Variants in MUC4 observed in about 807,000 individuals in gnomAD.
The protein encoded by MUC4 is mucin-4.
Under a neutral mutation model 257.9 loss-of-function variants are expected in MUC4, and 202 were observed. That is an observed-to-expected ratio of 0.78 (90% CI 0.70 to 0.88). The LOEUF is 0.88. Among genes scored for constraint, MUC4 ranks in the 40% least tolerant of loss-of-function variants. The pLI, the probability that MUC4 is intolerant of heterozygous loss-of-function variation, is 0.00. For synonymous variants in MUC4, 2,351 were observed against 2,757.1 expected, an observed-to-expected ratio of 0.85 and a Z score of 4.62; for missense variants, 5,976 against 6,513.7, an observed-to-expected ratio of 0.92 and a Z score of 2.84.
In MUC4 at chr3:195,791,325, G is replaced by T. The variant is rs778296021; in HGVS notation, c.255C>A (p.Thr85=). 6.2e-7 allele frequency: 1 copy of T among 1,613,856 alleles called. No homozygotes were observed. Among genetic ancestry groups the T allele is most frequent in the African/African-American group, 1.3e-5 (1 of 74,904 alleles). Residue 85 remains threonine, a synonymous_variant, in exon 2 of 25, where the codon ACC becomes ACA. Coordinates refer to ENST00000463781, the MANE Select transcript of MUC4 (RefSeq NM_018406.7). ...QNHQTKSTET[T]SKAQTDTLTQ... is the part of the protein sequence containing the mutation. ...TGAGGGTGTCGGTTTGAGCTTTGCT[G>T]GTGGTCTCCGTGCTCTTAGTCTGGT...
At chr3:195,754,976 A>C (rs1452101328) in intron 18 of MUC4, among the ~76,000 whole-genome samples, 1 of 152,040 alleles carries the variant, frequency 6.6e-6, no homozygotes, top group Admixed American at 6.6e-5. Flanking sequence ...GTATGTATCC[A>C]TGTGTGTATG....
At chr3:195,753,356 C>T (rs906895731) in intron 19 of MUC4, 126 bp from the exon 20 acceptor site, 5 of 886,720 alleles carry the variant, frequency 5.6e-6, no homozygotes, top group Non-Finnish European at 8.7e-6. Flanking sequence ...ACTCGGAACC[C>T]CAAACCATCC....
intron 1 of MUC4, among the ~76,000 whole-genome samples, chr3:195,798,432 G>A (rs1475189717): frequency 1.3e-5 from 2 of 152,174 alleles, no homozygotes; most frequent in Non-Finnish European, 2.9e-5. Flanking sequence ...GGCCAGGCGT[G>A]GTGGCTCACA....
intron 9 of MUC4, 70 bp downstream of exon 9, chr3:195,765,200 G>T: frequency 6.3e-7 from 1 of 1,586,312 alleles, no homozygotes; most frequent in South Asian, 1.1e-5. Flanking sequence ...GGCTGTTTCT[G>T]GGGAGAGGCT....
At chr3:195,756,637 T>C (rs1224154824) in intron 18 of MUC4, among the ~76,000 whole-genome samples, 4 of 128,272 alleles carry the variant, frequency 3.1e-5, no homozygotes, top group Admixed American at 8.2e-5. Context: ...TTTCCCTCCT[T>C]CTTTCTTTCT....
chr3:195,789,063 G>A lies in MUC4; in HGVS notation c.2517C>T (p.His839=), dbSNP rs765082239. The change falls in exon 2 of 25, where the codon CAC becomes CAT. Residue 839 remains histidine (H), a synonymous_variant. Transcript: ENST00000463781. ...GCAATTCGGTTGTTGACTGGGTTGTGTGACTGTCCCTGGAGGGGTTTGATG... is the reference window on the plus strand; with the variant it reads ...GCAATTCGGTTGTTGACTGGGTTGTATGACTGTCCCTGGAGGGGTTTGATG... ...RFSSNPSRDS[H]TTQSTTELLS... 1.1e-5 allele frequency: 18 copies of A among 1,613,760 alleles called. No homozygotes were observed. The South Asian group carries it at 1.5e-4, about 14-fold the overall frequency.
Position 195,785,557 on chromosome 3 carries a change from G to A in MUC4, c.6023C>T (p.Ser2008Leu). ...AGGGGTGGCCTGTCCTGTAGATACTGAGGAAGTGTCGGTGACCGGAAGAGG... is the reference window on the plus strand; with the variant it reads ...AGGGGTGGCCTGTCCTGTAGATACTAAGGAAGTGTCGGTGACCGGAAGAGG... ...ATPLPVTDTSSVSTGQATPLP... is the reference protein window; with the variant it reads ...ATPLPVTDTSLVSTGQATPLP... Residue 2008 changes from serine to leucine, a missense_variant, in exon 2 of 25, where the codon TCA (serine) becomes TTA (leucine). Transcript: ENST00000463781. The A allele has an allele frequency of 2.6e-6, 4 of 1,523,070 alleles. No individual in the cohort carries two copies. Among genetic ancestry groups the A allele is most frequent in the Non-Finnish European group, 3.5e-6 (4 of 1,133,296 alleles). 94.3% of individuals were successfully genotyped at this position (1,523,070 alleles called of 1,614,324 possible). A position where few individuals can be genotyped will look rare whatever the true frequency, so the allele number is the denominator to read the frequency against.
intron 19 of MUC4, 84 bp from the exon 20 acceptor site, chr3:195,753,314 G>T: frequency 1.4e-6 from 2 of 1,396,342 alleles, no homozygotes; most frequent in Non-Finnish European, 2.0e-6. Flanking sequence ...TCCGGGACAG[G>T]CTTGCTTTCC....
rs1168843045 is a variant in MUC4, at chr3:195,781,204, A to G, written c.10376T>C (p.Val3459Ala). 5.7e-6 allele frequency: 8 copies of G among 1,410,022 alleles called. 1 individual carries two copies. The highest frequency in any genetic ancestry group is 7.6e-6 in the Non-Finnish European group (8 of 1,054,036). The allele number at this position is 1,410,022 out of a possible 1,614,324, so 87.3% of individuals were successfully genotyped here. Residue 3459 changes from valine to alanine, a missense_variant, in exon 2 of 25, where the codon GTC becomes GCC. Val to Ala is a moderately conservative substitution (Grantham distance 64, BLOSUM62 0). Coordinates refer to ENST00000463781, the MANE Select transcript of MUC4 (RefSeq NM_018406.7). ...TGTGGATGCTGAGGAAGTGTCGGTG[A>G]CAGGAAGAGGGGTGGTGTGACCTGT... ...ASTGHTTPLP[V>A]TDTSSASTGD...
Position 195,789,840 on chromosome 3 carries a change from G to C in MUC4, c.1740C>G (p.Ser580Arg). Residue 580 changes from serine (S) to arginine (R), a missense_variant, in exon 2 of 25, where the codon AGC becomes AGG. Physicochemically the swap from Ser to Arg is moderately radical, Grantham distance 110. Coordinates refer to ENST00000463781, the MANE Select transcript of MUC4 (RefSeq NM_018406.7). ...TCTGAGTCACACTGTAGCTTGGGCT[G>C]CTGAGAAGAGCCTCTCCAGTGGTCC... The part of the protein sequence containing the change: ...ETGTTGEALL[S>R]SPSYSVTQMI... 1 of 1,614,030 alleles carries C rather than the reference G, an allele frequency of 6.2e-7. No homozygotes were observed. Among genetic ancestry groups the C allele is most frequent in the African/African-American group, 1.3e-5 (1 of 75,056 alleles).
chr3:195,788,878 G>T lies in MUC4; in HGVS notation c.2702C>A (p.Thr901Lys). 6.2e-7 allele frequency: 1 copy of T among 1,613,852 alleles called. No homozygotes were observed. The highest frequency in any genetic ancestry group is 1.1e-5 in the South Asian group (1 of 91,076). Residue 901 changes from threonine to lysine, a missense_variant, in exon 2 of 25, where the codon ACA becomes AAA. By Grantham distance (78) the Thr-to-Lys change is moderately conservative. Transcript: ENST00000463781. Reference sequence around the variant, plus strand: ...CTGGGCCATCCGGGAAATGGCGGCTGTCTCCTGAGGAGAGGCACTGGGAGA... The same window carrying T: ...CTGGGCCATCCGGGAAATGGCGGCTTTCTCCTGAGGAGAGGCACTGGGAGA... ...PTSPSASPQE[T>K]AAISRMAQTQ... is the part of the protein sequence containing the mutation.
At chr3:195,766,079 A>C (rs1720411023) in intron 8 of MUC4, among the ~76,000 whole-genome samples, 1 of 151,954 alleles carries the variant, frequency 6.6e-6, no homozygotes, top group South Asian at 2.1e-4. Context: ...TCCTGCCTCA[A>C]CCTATTGAGT....
chr3:195,778,061 C>A (rs1725388691), intron 3 of MUC4, among the ~76,000 whole-genome samples: 1 of 152,338 alleles, frequency 6.6e-6, no homozygotes, highest in African/African-American at 2.4e-5. Flanking sequence ...GTCCTCTAAC[C>A]GCCGCTACCG....
At chr3:195,767,840 A>ATCATTG (rs1560265704) in intron 7 of MUC4, among the ~76,000 whole-genome samples, 3 of 139,524 alleles carry the variant, frequency 2.2e-5, no homozygotes, top group African/African-American at 5.6e-5. Flanking sequence ...CATCACCACC[A>ATCATTG]CCACCATCGC....
At position 195,787,898 on chromosome 3, in the gene MUC4, C is replaced by T. The variant is rs1316572049; in HGVS notation, c.3682G>A (p.Asp1228Asn). 1.3e-6 allele frequency: 1 copy of T among 763,956 alleles called. No individual in the cohort carries two copies. The highest frequency in any genetic ancestry group is 1.9e-6 in the Non-Finnish European group (1 of 527,324). 47.3% of individuals were successfully genotyped at this position (763,956 alleles called of 1,614,324 possible). ...GTTACAGGAAGAGAGGTGGCGTGATCTGTGGACACTGAGGAAGCGTCGGTG... is the reference window on the plus strand; with the variant it reads ...GTTACAGGAAGAGAGGTGGCGTGATTTGTGGACACTGAGGAAGCGTCGGTG... Reference protein sequence around the residue: ...PVTDASSVSTDHATSLPVTIP... With the variant: ...PVTDASSVSTNHATSLPVTIP... Residue 1228 changes from aspartate to asparagine, a missense_variant, in exon 2 of 25, where the codon GAT becomes AAT. Coordinates refer to ENST00000463781, the MANE Select transcript of MUC4 (RefSeq NM_018406.7).
chr3:195,775,413 T>A (rs1441787471), intron 3 of MUC4, among the ~76,000 whole-genome samples: 1 of 117,012 alleles, frequency 8.5e-6, no homozygotes, highest in Admixed American at 8.3e-5. Context: ...TCCACACCCA[T>A]ACCTTCCACA....
At chr3:195,776,790 C>A in intron 3 of MUC4, among the ~76,000 whole-genome samples, 1 of 105,174 alleles carries the variant, frequency 9.5e-6, no homozygotes, top group South Asian at 3.2e-4. Flanking sequence ...CCTTCCACAC[C>A]CATACCTTCC....
Position 195,779,049 on chromosome 3 carries a change from A to T in MUC4, c.12531T>A (p.Leu4177=), listed in dbSNP as rs1165113005. The part of the protein sequence containing the change: ...SSVSTGHGTP[L]PVTSTSSAST... Reference sequence around the variant, plus strand: ...ATGCTGAGGAAGTGCTGGTGACAGGAAGAGGGGTGCCGTGACCTGTGGACA... The same window carrying T: ...ATGCTGAGGAAGTGCTGGTGACAGGTAGAGGGGTGCCGTGACCTGTGGACA... The change falls in exon 2 of 25, where the codon CTT becomes CTA. Residue 4177 remains leucine (L), a synonymous_variant. Coordinates refer to ENST00000463781, the MANE Select transcript of MUC4 (RefSeq NM_018406.7). 8 of 1,067,638 alleles carry T rather than the reference A, an allele frequency of 7.5e-6. 1 individual carries two copies. The African/African-American group carries it at 1.3e-4, about 17-fold the overall frequency. The allele number at this position is 1,067,638 out of a possible 1,614,324, so 66.1% of individuals were successfully genotyped here.
intron 1 of MUC4, among the ~76,000 whole-genome samples, chr3:195,802,393 T>TCTC (rs1735451677): frequency 6.6e-6 from 1 of 152,184 alleles, no homozygotes; most frequent in Non-Finnish European, 1.5e-5. Flanking sequence ...GCACCCCTGC[T>TCTC]CTCAGCCTCC....
Sources: gnomAD v4.1 joint callset for allele counts (sites outside exome capture counted in the v4.1 genomes callset) on GRCh38, gnomAD v4.1.1 for gene constraint, MANE v1.5 for transcripts, NCBI Gene and HGNC (gene_info 2026-07-23, HGNC 2026-07-21) for gene names.